PGBD2: variants seen among roughly 807,000 people sequenced by gnomAD.
PGBD2 encodes piggyBac transposable element-derived protein 2.
A neutral mutation model predicts 8.1 loss-of-function variants in PGBD2; 6 were observed. That is an observed-to-expected ratio of 0.74 (90% CI 0.40 to 1.46). PGBD2 has a LOEUF of 1.46. Ranked by LOEUF, PGBD2 falls within the 40% of genes most tolerant of loss-of-function variation. The pLI, the probability that PGBD2 is intolerant of heterozygous loss-of-function variation, is 0.02. For synonymous variants in PGBD2, 318 were observed against 272.2 expected, an observed-to-expected ratio of 1.17 and a Z score of -1.66; for missense variants, 802 against 739.0, an observed-to-expected ratio of 1.09 and a Z score of -0.99.
chr1:248,886,730 G>T, the PGBD2 span, among the ~76,000 whole-genome samples: 1 of 152,176 alleles, frequency 6.6e-6, no homozygotes, highest in African/African-American at 2.4e-5. Flanking sequence ...CTGGTCTTCT[G>T]GGAATGAGGA....
At position 248,909,785 on chromosome 1, in the gene PGBD2, A is replaced by T. The variant is rs550280001; in HGVS notation, c.-48+3443A>T. Among the ~76,000 whole-genome samples the T allele has an allele frequency of 2.0e-4, 30 of 152,340 alleles. No individual in the cohort carries two copies. In the South Asian group the frequency reaches 6.2e-3, roughly 32 times the overall value. ...AGGCACAGCACACAAGAAGAAAGCA[A>T]AGCAGTCAGGCCAGAGTAGGGAACC... On this transcript the variant is annotated intron_variant, in intron 1 of 2. Coordinates refer to ENST00000329291, the MANE Select transcript of PGBD2 (RefSeq NM_170725.3).
the PGBD2 span, among the ~76,000 whole-genome samples, chr1:248,889,642 G>A: frequency 6.6e-6 from 1 of 152,036 alleles, no homozygotes. Context: ...AAGGCAGCTC[G>A]GGGACAGGGA....
At chr1:248,894,376 T>G in the PGBD2 span, among the ~76,000 whole-genome samples, 2 of 152,198 alleles carry the variant, frequency 1.3e-5, no homozygotes, top group Non-Finnish European at 2.9e-5. Context: ...CTATGTTTTC[T>G]TCTAGGATTT....
At chr1:248,884,171 A>G in the PGBD2 span, among the ~76,000 whole-genome samples, 1 of 152,160 alleles carries the variant, frequency 6.6e-6, no homozygotes, top group Non-Finnish European at 1.5e-5. Flanking sequence ...TATGGCTAGT[A>G]AGACACAAAA....
chr1:248,893,640 T>G, the PGBD2 span, among the ~76,000 whole-genome samples: 1 of 152,252 alleles, frequency 6.6e-6, no homozygotes, highest in South Asian at 2.1e-4. Context: ...CATCTCTCAA[T>G]GGACATTTAT....
rs1558290399 is a variant in PGBD2 at position 248,917,926 on chromosome 1, C to T, written c.1342C>T (p.His448Tyr). ...AGCAGCTAAAACGCGGACTCAGGTC[C>T]ACCAGCCATCACTGGTGAAGCTGTA... ...SGAAKTRTQVHQPSLVKLYQE... is the reference protein window; with the variant it reads ...SGAAKTRTQVYQPSLVKLYQE... The change falls in exon 3 of 3, where the codon CAC (histidine) becomes TAC (tyrosine). Residue 448 changes from histidine (H) to tyrosine (Y), a missense_variant. By Grantham distance (83) the His-to-Tyr change is moderately conservative. Coordinates refer to ENST00000329291, the MANE Select transcript of PGBD2 (RefSeq NM_170725.3). The T allele has an allele frequency of 6.2e-7, 1 of 1,614,202 alleles. No individual in the cohort carries two copies. The highest frequency in any genetic ancestry group is 8.5e-7 in the Non-Finnish European group (1 of 1,180,044).
intron 1 of PGBD2, among the ~76,000 whole-genome samples, chr1:248,911,620 A>G (rs1299651872): frequency 7.5e-5 from 11 of 146,066 alleles, no homozygotes; most frequent in African/African-American, 2.5e-4. Flanking sequence ...CCCGTTCTCA[A>G]TGAGCTGTTG....
rs1427028859 is a variant in PGBD2, at chr1:248,917,075, A to G, written c.491A>G (p.Tyr164Cys). Residue 164 changes from tyrosine (Y) to cysteine (C), a missense_variant, in exon 3 of 3, where the codon TAT becomes TGT. Transcript: ENST00000329291. ...TTCATTGTTAATGAAACCAATCGTT[A>G]TGCTTGGCAGAAAAATGTCAATTTG... ...INFIVNETNR[Y>C]AWQKNVNLSL... 14 of 1,613,744 alleles carry G rather than the reference A, an allele frequency of 8.7e-6. No individual in the cohort carries two copies. The highest frequency in any genetic ancestry group is 1.3e-5 in the African/African-American group (1 of 74,878).
Position 248,918,606 on chromosome 1 carries a change from T to A in PGBD2, c.*243T>A, listed in dbSNP as rs1288696103. 3 of 207,506 alleles carry A rather than the reference T, an allele frequency of 1.4e-5. No homozygotes were observed. The highest frequency in any genetic ancestry group is 6.0e-5 in the Admixed American group (1 of 16,560). 12.9% of individuals were successfully genotyped at this position (207,506 alleles called of 1,614,324 possible). On this transcript the variant is annotated 3_prime_UTR_variant, in exon 3 of 3. Transcript: ENST00000329291. ...TTTTGAACTTATTTATTTAAAGTTA[T>A]GGATCACTTTTTATTCAAATAAAAG...
At chr1:248,879,094 G>A in the PGBD2 span, among the ~76,000 whole-genome samples, 3 of 152,214 alleles carry the variant, frequency 2.0e-5, no homozygotes, top group East Asian at 5.8e-4. Context: ...AACAGTGAGT[G>A]TGTGCCTAAA....
the PGBD2 span, among the ~76,000 whole-genome samples, chr1:248,896,757 T>A: frequency 1.3e-5 from 2 of 152,134 alleles, no homozygotes; most frequent in Non-Finnish European, 2.9e-5. Context: ...CCAGTTGATA[T>A]TGGATGCTGG....
At chr1:248,924,688 G>A (rs1009123883), downstream of PGBD2, among the ~76,000 whole-genome samples, 21 of 152,190 alleles carry the variant, frequency 1.4e-4, no homozygotes, top group Non-Finnish European at 2.4e-4. Flanking sequence ...AATTCAAAAA[G>A]TAGCAAAGAC....
the PGBD2 span, among the ~76,000 whole-genome samples, chr1:248,874,612 A>G: frequency 1.3e-5 from 2 of 152,164 alleles, no homozygotes; most frequent in Non-Finnish European, 2.9e-5. Flanking sequence ...CAGATTTCAA[A>G]AAGTCTCCCT....
At position 248,918,542 on chromosome 1, in the gene PGBD2, G is replaced by A. The variant is rs1662203210; in HGVS notation, c.*179G>A. 2.5e-6 allele frequency: 1 copy of A among 402,554 alleles called. No homozygotes were observed. Among genetic ancestry groups the A allele is most frequent in the East Asian group, 4.0e-5 (1 of 24,916 alleles). The allele number at this position is 402,554 out of a possible 1,614,324, so 24.9% of individuals were successfully genotyped here. A position where few individuals can be genotyped will look rare whatever the true frequency, so the allele number is the denominator to read the frequency against. On this transcript the variant is annotated 3_prime_UTR_variant, in exon 3 of 3. Coordinates refer to ENST00000329291, the MANE Select transcript of PGBD2 (RefSeq NM_170725.3). Reference sequence around the variant, plus strand: ...TTATTGTGTTGTGTTATGCCTACATGTGATATAAATTAATATTTATATTCA... The same window carrying A: ...TTATTGTGTTGTGTTATGCCTACATATGATATAAATTAATATTTATATTCA...
chr1:248,912,352 C>A (rs867955484), intron 1 of PGBD2, among the ~76,000 whole-genome samples: 2 of 152,276 alleles, frequency 1.3e-5, no homozygotes, highest in Middle Eastern at 3.4e-3. Context: ...TAATTAGATG[C>A]CCTTGGACAC....
At chr1:248,873,351 T>G in the PGBD2 span, among the ~76,000 whole-genome samples, 3 of 152,174 alleles carry the variant, frequency 2.0e-5, no homozygotes, top group African/African-American at 7.2e-5. Context: ...TCGCCAACCG[T>G]ATCTGTGTGG....
chr1:248,904,273 G>A (rs1453634617), upstream of PGBD2, among the ~76,000 whole-genome samples: 1 of 151,068 alleles, frequency 6.6e-6, no homozygotes, highest in Non-Finnish European at 1.5e-5. Flanking sequence ...AGCTTAACGG[G>A]CTAAATTTTT....
chr1:248,887,117 A>T, the PGBD2 span, among the ~76,000 whole-genome samples: 1 of 142,038 alleles, frequency 7.0e-6, no homozygotes, highest in Non-Finnish European at 1.5e-5. Context: ...CAAAAATTAT[A>T]AAAAAATATA....
At chr1:248,885,909 A>G in the PGBD2 span, among the ~76,000 whole-genome samples, 1 of 152,258 alleles carries the variant, frequency 6.6e-6, no homozygotes, top group Non-Finnish European at 1.5e-5. Flanking sequence ...GGAACTATGT[A>G]TCACATTTTC....
Sources: allele counts gnomAD v4.1 joint callset (sites outside exome capture counted in the v4.1 genomes callset), GRCh38; gene constraint gnomAD v4.1.1; transcripts MANE v1.5; gene names NCBI Gene and HGNC (gene_info 2026-07-23, HGNC 2026-07-21).